The following PLCH2 variants were observed in gnomAD, a reference collection of about 807,000 sequenced individuals.
PLCH2 encodes 1-phosphatidylinositol 4,5-bisphosphate phosphodiesterase eta-2.
In PLCH2, 98 loss-of-function variants were observed where a neutral mutation model predicts 134.7. The observed-to-expected ratio is 0.73, with a 90% CI of 0.62 to 0.86. PLCH2 has a LOEUF of 0.86. Among genes scored for constraint, PLCH2 ranks in the 40% least tolerant of loss-of-function variants. The pLI is 0.00. For synonymous variants in PLCH2, 974 were observed against 827.5 expected (o/e 1.18, Z -3.04); for missense variants, 1,994 against 1,986.6 (o/e 1.00, Z -0.07).
At chr1:2,501,919 C>T (rs1346126678) in intron 20 of PLCH2, 193 bp from the exon 21 acceptor site, 5 of 526,390 alleles carry the variant, frequency 9.5e-6, no homozygotes, top group South Asian at 8.9e-5. Flanking sequence ...CTGTCCCAGG[C>T]AGAGCTGCCC....
upstream of PLCH2, among the ~76,000 whole-genome samples, chr1:2,471,654 T>G (rs746083868): frequency 2.0e-5 from 3 of 152,162 alleles, no homozygotes; most frequent in Non-Finnish European, 2.9e-5. Context: ...GTCCTCCCCC[T>G]GCTCTGGGGC....
intron 11 of PLCH2, among the ~76,000 whole-genome samples, chr1:2,494,147 C>A (rs1642742624): frequency 6.6e-6 from 1 of 152,030 alleles, no homozygotes; most frequent in South Asian, 2.1e-4. Flanking sequence ...CACAGCTGGG[C>A]CATGTTTTGG....
chr1:2,494,683 G>C (rs1431936208), intron 11 of PLCH2, among the ~76,000 whole-genome samples, 173 bp from the exon 12 acceptor site: 2 of 152,242 alleles, frequency 1.3e-5, no homozygotes, highest in East Asian at 1.9e-4. Flanking sequence ...GGCTGCCACG[G>C]GGGCTCCCCA....
intron 2 of PLCH2, among the ~76,000 whole-genome samples, chr1:2,450,503 C>G (rs1640147236): frequency 6.7e-6 from 1 of 150,078 alleles, no homozygotes; most frequent in Non-Finnish European, 1.5e-5. Flanking sequence ...CCCTATACAG[C>G]CTGCCCCCAA....
At chr1:2,429,136 G>T (rs527279973) in intron 1 of PLCH2, among the ~76,000 whole-genome samples, 1 of 152,148 alleles carries the variant, frequency 6.6e-6, no homozygotes, top group Non-Finnish European at 1.5e-5. Flanking sequence ...GGGATTGGGT[G>T]CGAGGAGGGA....
chr1:2,432,620 C>T lies in PLCH2; in HGVS notation c.115+1991C>T, dbSNP rs138054988. On this transcript the variant is annotated intron_variant, in intron 2 of 3. Transcript: ENST00000609981. ...GCCCCCACACTCAGCGCCCTGGGCC[C>T]GGGGGCCCCTGCTGGGCATGATGAG... Among the ~76,000 whole-genome samples, 29 of 152,258 alleles carry T rather than the reference C, an allele frequency of 1.9e-4. No individual in the cohort carries two copies. In the East Asian group the frequency reaches 4.1e-3, roughly 21 times the overall value.
At chr1:2,455,459 G>A (rs1015509207) in intron 2 of PLCH2, among the ~76,000 whole-genome samples, 3 of 152,188 alleles carry the variant, frequency 2.0e-5, no homozygotes, top group African/African-American at 7.2e-5. Flanking sequence ...CACCCCTCAG[G>A]GAGAGCACGT....
chr1:2,499,501 C>G (rs1185713744), intron 19 of PLCH2, 140 bp from the exon 20 acceptor site: 3 of 730,874 alleles, frequency 4.1e-6, no homozygotes, highest in Non-Finnish European at 7.0e-6. Flanking sequence ...AGTGCTGGGC[C>G]CACAGGAGGC....
intron 6 of PLCH2, 34 bp from the exon 7 acceptor site, chr1:2,487,139 G>A: frequency 3.9e-6 from 6 of 1,535,448 alleles, no homozygotes; most frequent in Non-Finnish European, 5.3e-6. Flanking sequence ...CTGGTGGTGG[G>A]CTGACATGGC....
intron 2 of PLCH2, among the ~76,000 whole-genome samples, chr1:2,440,353 G>C (rs553638005): frequency 1.4e-4 from 21 of 150,644 alleles, no homozygotes; most frequent in South Asian, 2.1e-4. Flanking sequence ...CCCGGCCATG[G>C]TGGTGGGTGC....
intron 21 of PLCH2, chr1:2,503,105 A>T: frequency 1.4e-6 from 1 of 689,870 alleles, no homozygotes; most frequent in South Asian, 1.5e-5. Flanking sequence ...CTCCTGTCTG[A>T]GCTTGAGGCC....
Position 2,479,969 on chromosome 1 carries a change from C to T in PLCH2, c.507C>T (p.Thr169=), listed in dbSNP as rs766328380. ...ACAGCCTGGCTCGCCGCCAGCGCAC[C>T]AGGGACCAATATCCTTGGGCACCTA... ...DEDSLARRQR[T]RDQWLKQTFD... is the part of the protein sequence containing the mutation. Residue 169 remains threonine (T), a synonymous_variant, in exon 3 of 22, where the codon ACC becomes ACT. Transcript: ENST00000378486. The T allele has an allele frequency of 3.2e-5, 52 of 1,605,160 alleles. No individual in the cohort carries two copies. The highest frequency in any genetic ancestry group is 4.3e-5 in the Non-Finnish European group (51 of 1,174,728).
At chr1:2,489,916 A>G (rs761625516) in intron 10 of PLCH2, 49 bp downstream of exon 10, 7 of 1,295,408 alleles carry the variant, frequency 5.4e-6, no homozygotes, top group South Asian at 1.2e-5. Context: ...TGCAGTTCCC[A>G]AGAACAGCTG....
At chr1:2,502,791 G>A (rs2100744692) in intron 21 of PLCH2, 1 of 717,016 alleles carries the variant, frequency 1.4e-6, no homozygotes, top group Non-Finnish European at 2.6e-6. Context: ...ATCCCCGAAA[G>A]GTCCCCCCGC....
chr1:2,498,501 C>G lies in PLCH2; in HGVS notation c.2225-22C>G, dbSNP rs1432157943. 6.3e-7 allele frequency: 1 copy of G among 1,599,732 alleles called. No individual in the cohort carries two copies. The highest frequency in any genetic ancestry group is 8.5e-7 in the Non-Finnish European group (1 of 1,173,622). ...GCTTGCTGAGGGCTGGGCCACTGAC[C>G]ACCTCCCCGGCATCCCCTCAGGCGT... On this transcript the variant is annotated intron_variant, in intron 16 of 21. Coordinates refer to ENST00000378486, the MANE Select transcript of PLCH2 (RefSeq NM_014638.4). This position sits in a 1 kb window ranked among gnomAD's most constrained non-coding sequence, Gnocchi z 5.4.
At chr1:2,418,600 T>G in the PLCH2 span, among the ~76,000 whole-genome samples, 5 of 152,314 alleles carry the variant, frequency 3.3e-5, no homozygotes, top group Non-Finnish European at 7.4e-5. Context: ...TGATGCCCGA[T>G]GGACAATAAG....
In PLCH2 at chr1:2,438,239, C is replaced by T. The variant is rs780962176; in HGVS notation, c.115+7610C>T. On this transcript the variant is annotated intron_variant, in intron 2 of 3. Transcript: ENST00000609981. The stretch of plus-strand genomic sequence containing the variant: ...TCGGCAGACGGTGTGTGCTGGCGCC[C>T]GGCCCTGTGCAGGCGACAGTTGGTT... 1.0e-3 allele frequency among the ~76,000 whole-genome samples: 159 copies of T among 152,354 alleles called. 2 individuals are homozygous for T. Among genetic ancestry groups the T allele is most frequent in the Non-Finnish European group, 1.1e-3 (73 of 68,038 alleles).
At chr1:2,481,012 A>G (rs992185567) in intron 4 of PLCH2, among the ~76,000 whole-genome samples, 1 of 152,248 alleles carries the variant, frequency 6.6e-6, no homozygotes, top group African/African-American at 2.4e-5. Flanking sequence ...ACGCACATAC[A>G]CGCACACACA....
chr1:2,417,476 C>T, the PLCH2 span, among the ~76,000 whole-genome samples: 4 of 152,098 alleles, frequency 2.6e-5, no homozygotes, highest in Non-Finnish European at 5.9e-5. Flanking sequence ...TGGAATCACA[C>T]AGGGTGGGGT....
Sources: gnomAD v4.1 joint callset for allele counts (sites outside exome capture counted in the v4.1 genomes callset) on GRCh38, gnomAD v4.1.1 for gene constraint, Gnocchi (gnomAD v3.1) non-coding constraint, MANE v1.5 for transcripts, NCBI Gene and HGNC (gene_info 2026-07-23, HGNC 2026-07-21) for gene names.